WDR4: variants seen among roughly 807,000 people sequenced by gnomAD.
WDR4 encodes tRNA (guanine-N(7)-)-methyltransferase non-catalytic subunit WDR4.
A neutral mutation model predicts 48.6 loss-of-function variants in WDR4; 47 were observed. The ratio of observed to expected loss-of-function variants is 0.97; its 90% confidence interval spans 0.77 to 1.23. The LOEUF (loss-of-function observed/expected upper bound fraction) is 1.23. Ranked by LOEUF, WDR4 falls within the 50% of genes most tolerant of loss-of-function variation. WDR4 has a pLI of 0.00. For synonymous variants in WDR4, 268 were observed against 230.0 expected (o/e 1.17, Z -1.49); for missense variants, 606 against 551.6 (o/e 1.10, Z -0.99).
downstream of WDR4, among the ~76,000 whole-genome samples, chr21:42,846,911 C>A (rs2057715496): frequency 6.6e-6 from 1 of 151,998 alleles, no homozygotes; most frequent in Admixed American, 6.6e-5. Flanking sequence ...AATCCAGCTA[C>A]TCGGGAGGCT....
chr21:42,843,626 T>G (rs1327661944), intron 11 of WDR4, among the ~76,000 whole-genome samples: 1 of 151,468 alleles, frequency 6.6e-6, no homozygotes, highest in African/African-American at 2.4e-5. Flanking sequence ...CAGGCTGGAG[T>G]ACAGTGGCGC....
chr21:42,876,719 C>T lies in WDR4; in HGVS notation c.138G>A (p.Lys46=), dbSNP rs200785846. Residue 46 remains lysine (K), a synonymous_variant, in exon 2 of 11, where the codon AAG becomes AAA. Transcript: ENST00000398208. ...CATCTCACCCTTTATTTTCTTGTGA[C>T]TTCTTTTCTGCAGCACTGCAGTCAT... ...FIYDCSAAEK[K]SQENKGEDAP... 1.5e-4 allele frequency: 244 copies of T among 1,613,340 alleles called. No homozygotes were observed. The highest frequency in any genetic ancestry group is 1.0e-4 in the Admixed American group (6 of 59,910).
intron 2 of WDR4, among the ~76,000 whole-genome samples, chr21:42,874,480 T>C (rs1351054619): frequency 6.6e-6 from 1 of 152,206 alleles, no homozygotes; most frequent in African/African-American, 2.4e-5. Flanking sequence ...CCTTAAACTC[T>C]GACCGCTGGT....
intron 10 of WDR4, among the ~76,000 whole-genome samples, chr21:42,850,827 C>A (rs553705404): frequency 1.3e-5 from 2 of 152,316 alleles, no homozygotes; most frequent in East Asian, 1.9e-4. Flanking sequence ...ACACGGATTT[C>A]ATCTACTTTA....
At chr21:42,848,094 T>G (rs1333142391), downstream of WDR4, among the ~76,000 whole-genome samples, 1 of 152,200 alleles carries the variant, frequency 6.6e-6, no homozygotes, top group Non-Finnish European at 1.5e-5. Flanking sequence ...AAGGCACTTA[T>G]GAAAAATTTG....
Position 42,853,754 on chromosome 21 carries a change from T to C in WDR4, c.792-2A>G. On this transcript the variant is annotated splice_acceptor_variant, in intron 8 of 10. Transcript: ENST00000398208. LOFTEE classifies it high-confidence loss of function. ...TGGAAGATGTAGACCACAGGAGTGC[T>C]TGCCACGAAGAAAGAGAGCATGATT... 6.4e-7 allele frequency: 1 copy of C among 1,550,742 alleles called. No homozygotes were observed. Among genetic ancestry groups the C allele is most frequent in the South Asian group, 1.2e-5 (1 of 84,254 alleles).
In WDR4 at chr21:42,876,621, G is replaced by A; in HGVS notation, c.155+81C>T. ...CAGAAGCTAAGAATTCAGCAAGTAGGACAACAATTGCTTCTTAGACCCTCT... is the reference window on the plus strand; with the variant it reads ...CAGAAGCTAAGAATTCAGCAAGTAGAACAACAATTGCTTCTTAGACCCTCT... On this transcript the variant is annotated intron_variant, in intron 2 of 10. Coordinates refer to ENST00000398208, the MANE Select transcript of WDR4 (RefSeq NM_018669.6). 5 of 1,338,844 alleles carry A rather than the reference G, an allele frequency of 3.7e-6. No individual in the cohort carries two copies. The South Asian group carries it at 3.8e-5, about 10-fold the overall frequency. 82.9% of individuals were successfully genotyped at this position (1,338,844 alleles called of 1,614,324 possible).
rs1315599981 is a variant in WDR4, at chr21:42,850,034, C to T, written c.*15G>A. 6.2e-7 allele frequency: 1 copy of T among 1,612,772 alleles called. No homozygotes were observed. Among genetic ancestry groups the T allele is most frequent in the East Asian group, 2.2e-5 (1 of 44,838 alleles). On this transcript the variant is annotated 3_prime_UTR_variant, in exon 11 of 11. Coordinates refer to ENST00000398208, the MANE Select transcript of WDR4 (RefSeq NM_018669.6). ...TTTCCTAATTTGAGGTGAGAGACAC[C>T]ACTGACCGCCACGATCAGCAACTTA...
At chr21:42,855,818 G>A in intron 6 of WDR4, 38 bp from the exon 7 acceptor site, 1 of 1,485,834 alleles carries the variant, frequency 6.7e-7, no homozygotes, top group Middle Eastern at 1.7e-4. Context: ...ACATGGTTGT[G>A]GGGCTTCCGT....
Position 42,855,743 on chromosome 21 carries a change from C to T in WDR4, c.665G>A (p.Arg222His), listed in dbSNP as rs374861109. Reference sequence around the variant, plus strand: ...GGCCAGGTGACAGCAGTGCAGCTGGCGGCCGCTCCTGTACTCCCAGAGCCT... The same window carrying T: ...GGCCAGGTGACAGCAGTGCAGCTGGTGGCCGCTCCTGTACTCCCAGAGCCT... Reference protein sequence around the residue: ...TLRLWEYRSGRQLHCCHLASL... With the variant: ...TLRLWEYRSGHQLHCCHLASL... Residue 222 changes from arginine (R) to histidine (H), a missense_variant, in exon 7 of 11, where the codon CGC becomes CAC. Physicochemically the swap from Arg to His is conservative, Grantham distance 29. Transcript: ENST00000398208. 38 of 1,553,394 alleles carry T rather than the reference C, an allele frequency of 2.4e-5. No homozygotes were observed. Among genetic ancestry groups the T allele is most frequent in the Admixed American group, 3.9e-5 (2 of 51,474 alleles).
chr21:42,846,833 C>A (rs1245262485), downstream of WDR4, among the ~76,000 whole-genome samples: 1 of 152,152 alleles, frequency 6.6e-6, no homozygotes, highest in African/African-American at 2.4e-5. Context: ...ACCAGCCTGG[C>A]AAACATGGCA....
At position 42,849,778 on chromosome 21, in the gene WDR4, C is replaced by T. The variant is rs1164951676; in HGVS notation, c.*271G>A. On this transcript the variant is annotated 3_prime_UTR_variant, in exon 11 of 11. Coordinates refer to ENST00000398208, the MANE Select transcript of WDR4 (RefSeq NM_018669.6). Reference sequence around the variant, plus strand: ...CAGCTGCCGCCACCACCGGCTCACACGCAGCCTCCGACATGAAAAGAAAGT... The same window carrying T: ...CAGCTGCCGCCACCACCGGCTCACATGCAGCCTCCGACATGAAAAGAAAGT... 1.3e-5 allele frequency: 5 copies of T among 392,256 alleles called. No homozygotes were observed. Among genetic ancestry groups the T allele is most frequent in the Admixed American group, 4.8e-5 (1 of 20,948 alleles). 24.3% of individuals were successfully genotyped at this position (392,256 alleles called of 1,614,324 possible). A position where few individuals can be genotyped will look rare whatever the true frequency, so the allele number is the denominator to read the frequency against.
At chr21:42,873,917 G>C (rs180815960) in intron 2 of WDR4, among the ~76,000 whole-genome samples, 9 of 152,140 alleles carry the variant, frequency 5.9e-5, no homozygotes, top group Non-Finnish European at 1.0e-4. Flanking sequence ...ATACATGCCA[G>C]AACCCAGAGA....
At chr21:42,855,983 C>T (rs1245427216) in intron 6 of WDR4, among the ~76,000 whole-genome samples, 1 of 152,166 alleles carries the variant, frequency 6.6e-6, no homozygotes, top group Non-Finnish European at 1.5e-5. Context: ...GGAAGGTGAC[C>T]GATTCCCTGT....
chr21:42,875,280 G>A (rs376686622), intron 2 of WDR4, among the ~76,000 whole-genome samples: 4 of 152,010 alleles, frequency 2.6e-5, no homozygotes, highest in African/African-American at 9.7e-5. Context: ...GCCCTGGCGC[G>A]GTGCCTCACA....
At chr21:42,883,752 G>A (rs1422566299), upstream of WDR4, 2 of 153,576 alleles carry the variant, frequency 1.3e-5, no homozygotes, top group Non-Finnish European at 2.9e-5. Context: ...GAAGGAGCGT[G>A]GCCCAGCCAA....
chr21:42,847,039 A>G (rs79346347), downstream of WDR4, among the ~76,000 whole-genome samples: 3 of 2,982 alleles, frequency 1.0e-3, no homozygotes, highest in East Asian at 0.011. Flanking sequence ...CTCTGTCTCA[A>G]AAAAAAAAAC....
upstream of WDR4, among the ~76,000 whole-genome samples, chr21:42,883,439 G>A (rs2058621284): frequency 6.6e-6 from 1 of 151,856 alleles, no homozygotes. Flanking sequence ...GGTGGTTGTA[G>A]TGGGTTGAAA....
At chr21:42,850,804 C>T (rs1358820410) in intron 10 of WDR4, among the ~76,000 whole-genome samples, 1 of 152,194 alleles carries the variant, frequency 6.6e-6, no homozygotes, top group Non-Finnish European at 1.5e-5. Flanking sequence ...TGTTCTGCCG[C>T]CACAGGGAAT....
Sources: allele counts gnomAD v4.1 joint callset (sites outside exome capture counted in the v4.1 genomes callset), GRCh38; gene constraint gnomAD v4.1.1; transcripts MANE v1.5; gene names NCBI Gene and HGNC (gene_info 2026-07-23, HGNC 2026-07-21).